Variants in SDK1 observed in about 807,000 individuals in gnomAD.
SDK1 encodes the protein protein sidekick-1.
In SDK1, 157 loss-of-function variants were observed where a neutral mutation model predicts 245.5. The ratio of observed to expected loss-of-function variants is 0.64; its 90% CI spans 0.56 to 0.73. The LOEUF (loss-of-function observed/expected upper bound fraction) is 0.73, where lower values mean the gene tolerates loss of function less well. SDK1 is among the 30% of genes least tolerant of loss of function. The pLI, the probability that SDK1 is intolerant of heterozygous loss-of-function variation, is 0.00. For synonymous variants in SDK1, 1,647 were observed against 1,278.5 expected, an observed-to-expected ratio of 1.29 and a Z score of -6.15; for missense variants, 3,583 against 3,002.3, an observed-to-expected ratio of 1.19 and a Z score of -4.52.
At chr7:4,043,419 C>T (rs932213222) in intron 17 of SDK1, among the ~76,000 whole-genome samples, 6 of 151,772 alleles carry the variant, frequency 4.0e-5, no homozygotes, top group Admixed American at 3.9e-4. Flanking sequence ...CAGCCAGGGG[C>T]TCAGGTAGAG....
In SDK1 at chr7:3,562,869, G is replaced by GAAATACTTAAATATGAAGGGAAGC. The variant is rs1203758782; in HGVS notation, c.299-56204_299-56181dup. Among the ~76,000 whole-genome samples, 44 of 29,440 alleles carry GAAATACTTAAATATGAAGGGAAGC rather than the reference G, an allele frequency of 1.5e-3. 1 individual carries two copies. The Admixed American group carries it at 0.015, about 10-fold the overall frequency. The allele number at this position is 29,440 out of a possible 152,430, so 19.3% of individuals were successfully genotyped here. A position where few individuals can be genotyped will look rare whatever the true frequency, so the allele number is the denominator to read the frequency against. On this transcript the variant is annotated intron_variant, in intron 1 of 44. Coordinates refer to ENST00000404826, the MANE Select transcript of SDK1 (RefSeq NM_152744.4). Reference sequence around the variant, plus strand: ...GAGCCACACTGAAACATGCTGGGAGGAAATACTTAAATATGAAGGGAAGCA... The same window carrying GAAATACTTAAATATGAAGGGAAGC: ...GAGCCACACTGAAACATGCTGGGAGGAAATACTTAAATATGAAGGGAAGCAAATACTTAAATATGAAGGGAAGCA...
At chr7:3,658,643 A>C (rs1257811142) in intron 4 of SDK1, among the ~76,000 whole-genome samples, 1 of 135,380 alleles carries the variant, frequency 7.4e-6, no homozygotes, top group African/African-American at 2.8e-5. Context: ...ACAGACTCAC[A>C]GTCTGTCATC....
At chr7:4,224,982 C>CAAAA (rs3038664) in intron 40 of SDK1, among the ~76,000 whole-genome samples, 15 of 43,744 alleles carry the variant, frequency 3.4e-4, no homozygotes, top group Admixed American at 4.2e-4. Context: ...GACTCTGTCT[C>CAAAA]AAAAAAAAAA....
chr7:3,502,375 G>A (rs1004204422), intron 1 of SDK1, among the ~76,000 whole-genome samples: 26 of 152,124 alleles, frequency 1.7e-4, no homozygotes, highest in African/African-American at 5.8e-4. Flanking sequence ...TCAGCCTCCC[G>A]AGTAGGTGGG....
chr7:3,317,401 T>C (rs1779689978), intron 1 of SDK1, among the ~76,000 whole-genome samples: 1 of 152,312 alleles, frequency 6.6e-6, no homozygotes, highest in East Asian at 1.9e-4. Flanking sequence ...TTTTCATCTA[T>C]CTGCTTTCCA....
intron 1 of SDK1, among the ~76,000 whole-genome samples, chr7:3,570,491 C>T (rs1293733030): frequency 6.6e-6 from 1 of 152,136 alleles, no homozygotes; most frequent in Non-Finnish European, 1.5e-5. Context: ...TTGGGGATCC[C>T]TGCCTTAACT....
intron 4 of SDK1, among the ~76,000 whole-genome samples, chr7:3,764,498 C>T (rs1780195842): frequency 1.3e-5 from 2 of 152,024 alleles, no homozygotes; most frequent in Admixed American, 6.6e-5. Context: ...CCAGCCTGAC[C>T]AACATGGTGA....
At chr7:3,534,091 G>T (rs1052433440) in intron 1 of SDK1, among the ~76,000 whole-genome samples, 1 of 152,150 alleles carries the variant, frequency 6.6e-6, no homozygotes, top group Admixed American at 6.5e-5. Flanking sequence ...ACATTGTTCT[G>T]TTCTCTGCTT....
intron 17 of SDK1, among the ~76,000 whole-genome samples, chr7:4,047,612 C>G (rs1789113950): frequency 6.6e-6 from 1 of 152,224 alleles, no homozygotes; most frequent in Non-Finnish European, 1.5e-5. Flanking sequence ...AAGCTTCTGT[C>G]CTCTCTTGTA....
At chr7:4,182,702 T>A (rs1782668180) in intron 35 of SDK1, among the ~76,000 whole-genome samples, 1 of 152,194 alleles carries the variant, frequency 6.6e-6, no homozygotes. Flanking sequence ...GGCACTCATG[T>A]TCTAAGCTGG....
intron 29 of SDK1, among the ~76,000 whole-genome samples, chr7:4,146,908 G>A (rs1780022424): frequency 6.6e-6 from 1 of 152,206 alleles, no homozygotes; most frequent in Non-Finnish European, 1.5e-5. Context: ...CAACTGCAGA[G>A]CTGAGATTTG....
chr7:4,081,661 G>A lies in SDK1; in HGVS notation c.3324+2077G>A, dbSNP rs575413062. Among the ~76,000 whole-genome samples the A allele has an allele frequency of 5.3e-5, 8 of 152,036 alleles. No individual in the cohort carries two copies. The South Asian group carries it at 1.3e-3, about 24-fold the overall frequency. On this transcript the variant is annotated intron_variant, in intron 22 of 44. Transcript: ENST00000404826. Reference sequence around the variant, plus strand: ...TCTGGATCTCCTGACCTCGTGATCCGCCTGCCTCGGCCTCCCAAATCGCTG... The same window carrying A: ...TCTGGATCTCCTGACCTCGTGATCCACCTGCCTCGGCCTCCCAAATCGCTG...
At chr7:3,714,147 G>T (rs1453784148) in intron 4 of SDK1, among the ~76,000 whole-genome samples, 1 of 152,136 alleles carries the variant, frequency 6.6e-6, no homozygotes. Flanking sequence ...TGACGCCATG[G>T]TGCACATCCA....
chr7:3,566,577 T>G (rs981494740), intron 1 of SDK1, among the ~76,000 whole-genome samples: 6 of 152,116 alleles, frequency 3.9e-5, no homozygotes, highest in African/African-American at 1.2e-4. Context: ...CCACTTGATT[T>G]TATCACCATT....
Position 4,266,781 on chromosome 7 carries a change from C to T in SDK1, c.*1397C>T, listed in dbSNP as rs942320686. 2.3e-5 allele frequency: 23 copies of T among 985,394 alleles called. No homozygotes were observed. The highest frequency in any genetic ancestry group is 1.2e-4 in the African/African-American group (7 of 57,256). 61.0% of individuals were successfully genotyped at this position (985,394 alleles called of 1,614,324 possible). The stretch of plus-strand genomic sequence containing the variant: ...GGAACGGGAGCACTGCTGGTGCCCA[C>T]TGGCGTGTGTGCCCCGGGTCCCTGT... On this transcript the variant is annotated 3_prime_UTR_variant, in exon 45 of 45. Transcript: ENST00000404826.
At chr7:3,829,723 C>G (rs189093979) in intron 5 of SDK1, among the ~76,000 whole-genome samples, 5 of 152,288 alleles carry the variant, frequency 3.3e-5, no homozygotes, top group South Asian at 2.1e-4. Flanking sequence ...GCGAAGAGCT[C>G]TGTGTGTGCA....
chr7:3,656,423 C>G (rs1184860279), intron 4 of SDK1, among the ~76,000 whole-genome samples: 3 of 152,202 alleles, frequency 2.0e-5, no homozygotes, highest in African/African-American at 4.8e-5. Context: ...CAAATACCTC[C>G]TTGCACTGAC....
intron 35 of SDK1, among the ~76,000 whole-genome samples, chr7:4,203,322 C>A (rs1350221844): frequency 6.6e-6 from 1 of 152,164 alleles, no homozygotes; most frequent in Admixed American, 6.5e-5. Context: ...GCCGCAGAGG[C>A]CCCCTGGCGA....
chr7:3,520,803 G>C (rs752070421), intron 1 of SDK1, among the ~76,000 whole-genome samples: 1 of 152,148 alleles, frequency 6.6e-6, no homozygotes, highest in African/African-American at 2.4e-5. Context: ...ATTTTGTCCT[G>C]CCTACCTTTT....
Sources: gnomAD v4.1 joint callset for allele counts (sites outside exome capture counted in the v4.1 genomes callset) on GRCh38, gnomAD v4.1.1 for gene constraint, MANE v1.5 for transcripts, NCBI Gene and HGNC (gene_info 2026-07-23, HGNC 2026-07-21) for gene names.